EPHA4: variants seen among roughly 807,000 people sequenced by gnomAD.
The protein encoded by EPHA4 is ephrin type-A receptor 4.
Under a neutral mutation model 108.3 loss-of-function variants are expected in EPHA4, and 19 were observed. The observed-to-expected ratio is 0.18, with a 90% CI of 0.12 to 0.26. EPHA4 has a LOEUF of 0.26. Ranked by LOEUF, EPHA4 falls within the 10% of genes least tolerant of loss-of-function variation. The probability of loss-of-function intolerance (pLI) is 1.00; values close to 1 mark genes in which losing one functional copy is unlikely to be tolerated. For synonymous variants in EPHA4, 449 were observed against 455.5 expected, an observed-to-expected ratio of 0.99 and a Z score of 0.18; for missense variants, 917 against 1,254.0, an observed-to-expected ratio of 0.73 and a Z score of 4.06.
chr2:221,476,805 T>C (rs1049168841), intron 5 of EPHA4, among the ~76,000 whole-genome samples: 3 of 152,182 alleles, frequency 2.0e-5, no homozygotes, highest in African/African-American at 7.2e-5. Context: ...AATTAAAAGA[T>C]GGCAGAGAGA....
chr2:221,426,206 G>T, intron 16 of EPHA4, 64 bp from the exon 17 acceptor site: 2 of 1,421,364 alleles, frequency 1.4e-6, no homozygotes, highest in Non-Finnish European at 2.0e-6. Context: ...TCTTTTCTTG[G>T]GCTTCATGCA....
chr2:221,502,122 A>G (rs922041539), intron 3 of EPHA4, among the ~76,000 whole-genome samples: 41 of 152,260 alleles, frequency 2.7e-4, no homozygotes, highest in African/African-American at 9.6e-4. Flanking sequence ...GACACTAAGG[A>G]CCACTTTTAG....
intron 13 of EPHA4, 75 bp downstream of exon 13, chr2:221,436,324 G>C (rs1352778535): frequency 1.2e-5 from 17 of 1,393,942 alleles, no homozygotes; most frequent in Non-Finnish European, 1.7e-5. Flanking sequence ...AATTACAAAG[G>C]GCTTCAATCT....
intron 14 of EPHA4, among the ~76,000 whole-genome samples, chr2:221,433,789 T>A (rs1481853505): frequency 6.6e-6 from 1 of 152,242 alleles, no homozygotes; most frequent in African/African-American, 2.4e-5. Context: ...TTTTATCATA[T>A]GTGAAATTTA....
chr2:221,495,842 G>C (rs923755442), intron 4 of EPHA4, among the ~76,000 whole-genome samples: 4 of 152,318 alleles, frequency 2.6e-5, no homozygotes, highest in East Asian at 3.9e-4. Flanking sequence ...TCTTTGGCTA[G>C]AAGAATGAGG....
chr2:221,522,458 A>G (rs1190541355), intron 3 of EPHA4, among the ~76,000 whole-genome samples: 2 of 152,308 alleles, frequency 1.3e-5, no homozygotes, highest in East Asian at 1.9e-4. Flanking sequence ...CTGTTCAATG[A>G]CCAACCTATA....
chr2:221,569,379 T>A (rs1177645744), intron 1 of EPHA4: 22 of 151,886 alleles, frequency 1.4e-4, no homozygotes, highest in Admixed American at 1.4e-3. Context: ...ACGTGCAGAA[T>A]CAGAATGCAA....
chr2:221,431,242 T>C (rs746458296), intron 14 of EPHA4, among the ~76,000 whole-genome samples: 20 of 152,350 alleles, frequency 1.3e-4, no homozygotes, highest in Non-Finnish European at 2.5e-4. Context: ...AATCACTCCA[T>C]TTATTTTTCT....
At chr2:221,421,289 G>C (rs143990489) in intron 17 of EPHA4, among the ~76,000 whole-genome samples, 1 of 150,902 alleles carries the variant, frequency 6.6e-6, no homozygotes, top group African/African-American at 2.4e-5. Context: ...GACAGAGCGA[G>C]ACTCTGTCTC....
At chr2:221,431,480 T>A (rs1690073569) in intron 14 of EPHA4, among the ~76,000 whole-genome samples, 1 of 152,222 alleles carries the variant, frequency 6.6e-6, no homozygotes, top group Non-Finnish European at 1.5e-5. Context: ...CCTCTGATCC[T>A]TTTTCTCCTA....
At chr2:221,527,890 A>T (rs1574636410) in intron 3 of EPHA4, among the ~76,000 whole-genome samples, 1 of 152,180 alleles carries the variant, frequency 6.6e-6, no homozygotes, top group Admixed American at 6.5e-5. Context: ...AGAGCTCACA[A>T]GCTGCCCTGC....
rs769632541 is a variant in EPHA4, at chr2:221,566,854, G to GAGAAGAAGA, written c.159+1855_159+1863dup. Among the ~76,000 whole-genome samples the GAGAAGAAGA allele has an allele frequency of 1.0e-3, 55 of 53,286 alleles. 8 individuals carry two copies. The highest frequency in any genetic ancestry group is 7.5e-3 in the South Asian group (10 of 1,326). The allele number at this position is 53,286 out of a possible 152,430, so 35.0% of individuals were successfully genotyped here. A position where few individuals can be genotyped will look rare whatever the true frequency, so the allele number is the denominator to read the frequency against. On this transcript the variant is annotated intron_variant, in intron 2 of 17. Transcript: ENST00000281821. ...GAAGGAGAAGAAGGAGAAGGAGAAG[G>GAGAAGAAGA]AGAAGAAGAAGAAGAAGAAGAAGGA...
intron 4 of EPHA4, among the ~76,000 whole-genome samples, chr2:221,487,642 T>C (rs1169396225): frequency 6.6e-6 from 1 of 152,192 alleles, no homozygotes; most frequent in Non-Finnish European, 1.5e-5. Context: ...AAATATTAGA[T>C]TGGTACAAAA....
intron 17 of EPHA4, among the ~76,000 whole-genome samples, chr2:221,423,569 C>T (rs921770013): frequency 5.9e-5 from 9 of 152,134 alleles, no homozygotes; most frequent in African/African-American, 2.2e-4. Context: ...AGATTTCATA[C>T]TTCACCTCTC....
intron 3 of EPHA4, among the ~76,000 whole-genome samples, chr2:221,559,786 A>G (rs1694405455): frequency 6.6e-6 from 1 of 152,186 alleles, no homozygotes; most frequent in African/African-American, 2.4e-5. Context: ...TATCCTCTGC[A>G]TCCAATCACT....
chr2:221,489,130 AG>A (rs1213359360), intron 4 of EPHA4, among the ~76,000 whole-genome samples: 1 of 152,200 alleles, frequency 6.6e-6, no homozygotes, highest in Non-Finnish European at 1.5e-5. Context: ...TTCCATGGAA[AG>A]TCCAGGTACC....
intron 3 of EPHA4, among the ~76,000 whole-genome samples, chr2:221,513,669 A>C (rs940674131): frequency 2.0e-5 from 3 of 152,176 alleles, no homozygotes; most frequent in Non-Finnish European, 2.9e-5. Flanking sequence ...ATATATTAAA[A>C]ATTTTCTGAA....
intron 4 of EPHA4, among the ~76,000 whole-genome samples, chr2:221,484,280 G>A (rs991796670): frequency 6.6e-6 from 1 of 152,096 alleles, no homozygotes; most frequent in Admixed American, 6.6e-5. Flanking sequence ...GTGATTAATG[G>A]CCAATTATTT....
chr2:221,558,804 TATAG>T (rs1448297577), intron 3 of EPHA4, among the ~76,000 whole-genome samples: 2 of 152,118 alleles, frequency 1.3e-5, no homozygotes, highest in Non-Finnish European at 2.9e-5. Context: ...GCTGCTCTCT[TATAG>T]ATAAAGAATT....
Sources: gnomAD v4.1 joint callset for allele counts (sites outside exome capture counted in the v4.1 genomes callset) on GRCh38, gnomAD v4.1.1 for gene constraint, MANE v1.5 for transcripts, NCBI Gene and HGNC (gene_info 2026-07-23, HGNC 2026-07-21) for gene names.